The following CTNNBIP1 variants were observed in gnomAD, a reference collection of about 807,000 sequenced individuals.
The protein encoded by CTNNBIP1 is catenin beta interacting protein 1.
CTNNBIP1 carries 7 observed loss-of-function variants against 11.8 expected under a neutral mutation model. That is an observed-to-expected ratio of 0.60 (90% CI 0.34 to 1.12). The LOEUF is 1.12. Among genes scored for constraint, CTNNBIP1 ranks in the 50% most tolerant of loss-of-function variants. The probability of loss-of-function intolerance (pLI) is 0.03; values close to 1 mark genes in which losing one functional copy is unlikely to be tolerated. For synonymous variants in CTNNBIP1, 58 were observed against 43.9 expected, an observed-to-expected ratio of 1.32 and a Z score of -1.26; for missense variants, 101 against 113.4, an observed-to-expected ratio of 0.89 and a Z score of 0.50.
chr1:9,865,280 TATC>T (rs1009741417), intron 5 of CTNNBIP1, among the ~76,000 whole-genome samples: 11 of 149,986 alleles, frequency 7.3e-5, no homozygotes, highest in Middle Eastern at 3.5e-3. Flanking sequence ...ACAGTGAAAT[TATC>T]ATGCGTAAAA....
chr1:9,904,393 C>G (rs1639579144), intron 1 of CTNNBIP1, among the ~76,000 whole-genome samples: 1 of 152,192 alleles, frequency 6.6e-6, no homozygotes, highest in African/African-American at 2.4e-5. Context: ...AAGAGTCCCA[C>G]TCTGGATTCC....
intron 5 of CTNNBIP1, among the ~76,000 whole-genome samples, chr1:9,865,326 C>G (rs1638720974): frequency 6.6e-6 from 1 of 151,916 alleles, no homozygotes; most frequent in African/African-American, 2.4e-5. Context: ...TAAGGCCGGG[C>G]GCGGTGGCTC....
chr1:9,889,213 G>A (rs1639246651), intron 1 of CTNNBIP1, among the ~76,000 whole-genome samples: 1 of 152,216 alleles, frequency 6.6e-6, no homozygotes. Context: ...TCCCTCCCAC[G>A]CACTGAGGCA....
In CTNNBIP1 at chr1:9,871,946, C is replaced by A. The variant is rs749023517; in HGVS notation, c.96+23G>T. 1.9e-6 allele frequency: 3 copies of A among 1,608,164 alleles called. No individual in the cohort carries two copies. Among genetic ancestry groups the A allele is most frequent in the Non-Finnish European group, 2.6e-6 (3 of 1,174,688 alleles). Reference sequence around the variant, plus strand: ...GGAGACCCTCCCTGGGGGCCCGCTGCCTGACACCCCACAGGCACTCACGTT... The same window carrying A: ...GGAGACCCTCCCTGGGGGCCCGCTGACTGACACCCCACAGGCACTCACGTT... On this transcript the variant is annotated intron_variant, in intron 4 of 5. Coordinates refer to ENST00000377263, the MANE Select transcript of CTNNBIP1 (RefSeq NM_020248.3). This position sits in a 1 kb window ranked among gnomAD's most constrained non-coding sequence, Gnocchi z 5.2.
intron 5 of CTNNBIP1, among the ~76,000 whole-genome samples, chr1:9,854,828 C>A (rs1047655170): frequency 6.6e-6 from 1 of 152,090 alleles, no homozygotes; most frequent in African/African-American, 2.4e-5. Context: ...AGGTGTGTGC[C>A]ACCACATCTG....
In CTNNBIP1 at chr1:9,897,278, C is replaced by A. The variant is rs1353272801; in HGVS notation, c.-144+12817G>T. 5.3e-5 allele frequency among the ~76,000 whole-genome samples: 8 copies of A among 151,820 alleles called. No individual in the cohort carries two copies. The South Asian group carries it at 1.2e-3, about 24-fold the overall frequency. ...GACCATCCTGGCTAACATGGTGAAACCCCGTCTCTACTAAAAATACAAAAA... is the reference window on the plus strand; with the variant it reads ...GACCATCCTGGCTAACATGGTGAAAACCCGTCTCTACTAAAAATACAAAAA... On this transcript the variant is annotated intron_variant, in intron 1 of 5. Transcript: ENST00000377263.
At position 9,867,262 on chromosome 1, in the gene CTNNBIP1, G is replaced by A. The variant is rs755796056; in HGVS notation, c.187+3925C>T. On this transcript the variant is annotated intron_variant, in intron 5 of 5. Coordinates refer to ENST00000377263, the MANE Select transcript of CTNNBIP1 (RefSeq NM_020248.3). This position sits in a 1 kb window ranked among gnomAD's most constrained non-coding sequence, Gnocchi z 4.6. ...CAGAGGCCAGGCAGGCTGGGAACTG[G>A]GGGGCCACTGGGGCCTCTGCTGGAA... is the stretch of plus-strand genomic sequence containing the variant. Among the ~76,000 whole-genome samples the A allele has an allele frequency of 6.6e-6, 1 of 152,020 alleles. No individual in the cohort carries two copies. The highest frequency in any genetic ancestry group is 1.5e-5 in the Non-Finnish European group (1 of 68,004).
At chr1:9,884,882 G>A (rs1639153984) in intron 1 of CTNNBIP1, among the ~76,000 whole-genome samples, 1 of 152,106 alleles carries the variant, frequency 6.6e-6, no homozygotes, top group Admixed American at 6.5e-5. Context: ...AGGCCCTATG[G>A]TGGGGGCACA....
At chr1:9,856,357 A>AAAAT (rs1260731212) in intron 5 of CTNNBIP1, among the ~76,000 whole-genome samples, 1 of 152,082 alleles carries the variant, frequency 6.6e-6, no homozygotes, top group East Asian at 1.9e-4. Context: ...GCAACAGAAA[A>AAAAT]AAATAAATAA....
chr1:9,856,997 C>T (rs948939412), intron 5 of CTNNBIP1, among the ~76,000 whole-genome samples: 2 of 151,690 alleles, frequency 1.3e-5, no homozygotes, highest in Non-Finnish European at 1.5e-5. Context: ...TGGCGGGCAC[C>T]TGTAGTCCCA....
chr1:9,885,707 G>A (rs1043115352), intron 1 of CTNNBIP1, among the ~76,000 whole-genome samples: 3 of 152,002 alleles, frequency 2.0e-5, no homozygotes, highest in African/African-American at 7.2e-5. Flanking sequence ...ACTTTGGGAG[G>A]CCAAGGCGGG....
At chr1:9,876,247 G>A (rs1042916874) in intron 3 of CTNNBIP1, among the ~76,000 whole-genome samples, 1 of 152,098 alleles carries the variant, frequency 6.6e-6, no homozygotes, top group Non-Finnish European at 1.5e-5. Context: ...TCTAAAATGG[G>A]GTGGCGCTTC....
chr1:9,886,623 C>T (rs1331172733), intron 1 of CTNNBIP1, among the ~76,000 whole-genome samples: 4 of 152,196 alleles, frequency 2.6e-5, no homozygotes, highest in Non-Finnish European at 5.9e-5. Context: ...CCTGTCATGG[C>T]CCAGCTAGTC....
At chr1:9,855,478 A>T (rs552841769) in intron 5 of CTNNBIP1, among the ~76,000 whole-genome samples, 134 of 152,112 alleles carry the variant, frequency 8.8e-4, no homozygotes, top group Non-Finnish European at 1.6e-3. Flanking sequence ...TCAGAAATAA[A>T]CCCTCCAACT....
At chr1:9,886,394 TC>T (rs1306401988) in intron 1 of CTNNBIP1, among the ~76,000 whole-genome samples, 7 of 149,288 alleles carry the variant, frequency 4.7e-5, no homozygotes, top group African/African-American at 1.8e-4. Flanking sequence ...GACAATCGAA[TC>T]GAATATATCT....
At position 9,872,667 on chromosome 1, in the gene CTNNBIP1, A is replaced by G. The variant is rs1316501870; in HGVS notation, c.-24-579T>C. Among the ~76,000 whole-genome samples the G allele has an allele frequency of 6.6e-6, 1 of 152,180 alleles. No homozygotes were observed. The highest frequency in any genetic ancestry group is 2.4e-5 in the African/African-American group (1 of 41,444). On this transcript the variant is annotated intron_variant, in intron 3 of 5. Coordinates refer to ENST00000377263, the MANE Select transcript of CTNNBIP1 (RefSeq NM_020248.3). This position sits in a 1 kb window ranked among gnomAD's most constrained non-coding sequence, Gnocchi z 4.0. ...GGCTCCAAGGGGTCCCTTGATGGAA[A>G]GACGCTGGCCCAGGGTTGCAGGGCT...
intron 1 of CTNNBIP1, among the ~76,000 whole-genome samples, chr1:9,907,058 T>C (rs182590759): frequency 1.3e-5 from 2 of 152,314 alleles, no homozygotes; most frequent in East Asian, 1.9e-4. Context: ...CGCTTAACCA[T>C]AAAAGAAGGG....
At position 9,850,742 on chromosome 1, in the gene CTNNBIP1, C is replaced by G. The variant is rs770964290; in HGVS notation, c.222G>C (p.Ser74=). The G allele has an allele frequency of 6.2e-7, 1 of 1,613,772 alleles. No homozygotes were observed. The highest frequency in any genetic ancestry group is 2.2e-5 in the East Asian group (1 of 44,894). The part of the protein sequence containing the change: ...AEDVVMAFSR[S]ETEDRRQ ...GCTACTGCCTCCGGTCTTCCGTCTC[C>G]GACCTGGAAAACGCCATCACCACGT... Residue 74 remains serine (S), a synonymous_variant, in exon 6 of 6, where the codon TCG becomes TCC. Coordinates refer to ENST00000377263, the MANE Select transcript of CTNNBIP1 (RefSeq NM_020248.3).
chr1:9,867,500 A>G lies in CTNNBIP1; in HGVS notation c.187+3687T>C, dbSNP rs935476597. ...CTGGAGGGGAAGCATGTGCAGGGCT[A>G]AAGGTGGCGGCCAGACCCTCAGGAC... On this transcript the variant is annotated intron_variant, in intron 5 of 5. Transcript: ENST00000377263. This position sits in a 1 kb window ranked among gnomAD's most constrained non-coding sequence, Gnocchi z 4.6. 6.6e-6 allele frequency among the ~76,000 whole-genome samples: 1 copy of G among 152,182 alleles called. No individual in the cohort carries two copies. The highest frequency in any genetic ancestry group is 1.5e-5 in the Non-Finnish European group (1 of 68,006).
Sources: allele counts gnomAD v4.1 joint callset (sites outside exome capture counted in the v4.1 genomes callset), GRCh38; gene constraint gnomAD v4.1.1; non-coding constraint Gnocchi (gnomAD v3.1); transcripts MANE v1.5; gene names NCBI Gene and HGNC (gene_info 2026-07-23, HGNC 2026-07-21).